Variants in SENP6 observed in about 807,000 individuals in gnomAD.
SENP6 encodes the protein sentrin-specific protease 6.
Under a neutral mutation model 134.5 loss-of-function variants are expected in SENP6, and 41 were observed. That is an observed-to-expected ratio of 0.30 (90% CI 0.24 to 0.40). The LOEUF (loss-of-function observed/expected upper bound fraction) is 0.40, where lower values mean the gene tolerates loss of function less well. Ranked by LOEUF, SENP6 falls within the 10% of genes least tolerant of loss-of-function variation. The pLI, the probability that SENP6 is intolerant of heterozygous loss-of-function variation, is 1.00. For missense variants in SENP6, 1,248 were observed against 1,312.5 expected (o/e 0.95, Z 0.76); for synonymous variants, 395 against 429.8 (o/e 0.92, Z 1.00).
At chr6:75,709,716 TC>T in intron 20 of SENP6, 86 bp downstream of exon 20, 1 of 866,178 alleles carries the variant, frequency 1.2e-6, no homozygotes, top group Non-Finnish European at 1.8e-6. Flanking sequence ...ACACCTGTAG[TC>T]CCAGTGACTT....
At chr6:75,710,060 T>G (rs575939657) in intron 20 of SENP6, among the ~76,000 whole-genome samples, 2 of 152,288 alleles carry the variant, frequency 1.3e-5, no homozygotes, top group African/African-American at 4.8e-5. Context: ...CCTTCCTCTT[T>G]CAAAGCATTT....
At chr6:75,685,023 G>C (rs1474932574) in intron 16 of SENP6, among the ~76,000 whole-genome samples, 2 of 152,098 alleles carry the variant, frequency 1.3e-5, no homozygotes, top group African/African-American at 2.4e-5. Flanking sequence ...GAATCCATCT[G>C]GTCCTGGACT....
intron 1 of SENP6, among the ~76,000 whole-genome samples, chr6:75,619,849 G>T (rs1459052450): frequency 6.6e-6 from 1 of 152,100 alleles, no homozygotes; most frequent in Admixed American, 6.5e-5. Flanking sequence ...CCAGCACTTT[G>T]AGTGGCTGAG....
intron 7 of SENP6, among the ~76,000 whole-genome samples, chr6:75,652,918 T>C (rs1206292146): frequency 6.6e-6 from 1 of 152,202 alleles, no homozygotes; most frequent in Non-Finnish European, 1.5e-5. Context: ...ATTTTATTTA[T>C]GTCTGCCCAT....
At chr6:75,698,048 T>C (rs983062136) in intron 18 of SENP6, 2 of 152,304 alleles carry the variant, frequency 1.3e-5, no homozygotes, top group Middle Eastern at 3.2e-3. Context: ...CAATGGAGAC[T>C]TAAAAGTTTT....
At chr6:75,613,819 C>T (rs998803489) in intron 1 of SENP6, among the ~76,000 whole-genome samples, 7 of 152,072 alleles carry the variant, frequency 4.6e-5, no homozygotes, top group Non-Finnish European at 8.8e-5. Context: ...AACATTGATA[C>T]AATACTATAA....
chr6:75,609,578 C>G (rs923157552), intron 1 of SENP6, among the ~76,000 whole-genome samples: 2 of 152,084 alleles, frequency 1.3e-5, no homozygotes, highest in African/African-American at 4.8e-5. Flanking sequence ...TATTTTTTCC[C>G]CATTCTTTCA....
Position 75,716,723 on chromosome 6 carries a change from G to C in SENP6, c.*1129G>C, listed in dbSNP as rs1457912602. 1.3e-5 allele frequency: 2 copies of C among 151,886 alleles called. No individual in the cohort carries two copies. Among genetic ancestry groups the C allele is most frequent in the African/African-American group, 4.8e-5 (2 of 41,390 alleles). 9.4% of individuals were successfully genotyped at this position (151,886 alleles called of 1,614,324 possible). Reference sequence around the variant, plus strand: ...ACTTCATTATTTTTCAAATGAAATGGTGTATACTTCTTTCAAATGAACTTT... The same window carrying C: ...ACTTCATTATTTTTCAAATGAAATGCTGTATACTTCTTTCAAATGAACTTT... On this transcript the variant is annotated 3_prime_UTR_variant, in exon 24 of 24. Transcript: ENST00000447266.
At chr6:75,654,473 A>C (rs2149856250) in intron 7 of SENP6, among the ~76,000 whole-genome samples, 1 of 152,358 alleles carries the variant, frequency 6.6e-6, no homozygotes, top group Non-Finnish European at 1.5e-5. Context: ...GAGTTTTTAC[A>C]AAATCCTGTA....
chr6:75,608,732 A>T (rs1767221126), intron 1 of SENP6, among the ~76,000 whole-genome samples: 1 of 152,218 alleles, frequency 6.6e-6, no homozygotes, highest in Non-Finnish European at 1.5e-5. Context: ...ATTGTCGTTA[A>T]AAATAATAAT....
chr6:75,674,170 T>C (rs34882981), intron 11 of SENP6, among the ~76,000 whole-genome samples: 1 of 109,572 alleles, frequency 9.1e-6, no homozygotes, highest in African/African-American at 3.3e-5. Flanking sequence ...TTTTTTTTTT[T>C]AAAAACGATA....
chr6:75,620,043 T>G (rs1248244961), intron 1 of SENP6, among the ~76,000 whole-genome samples: 1 of 142,456 alleles, frequency 7.0e-6, no homozygotes, highest in Non-Finnish European at 1.5e-5. Flanking sequence ...CAGTGAGCCA[T>G]GATGGCACCA....
At chr6:75,711,466 C>A in intron 21 of SENP6, 50 bp downstream of exon 21, 1 of 1,200,372 alleles carries the variant, frequency 8.3e-7, no homozygotes, top group South Asian at 1.5e-5. Context: ...TAAGTATGCT[C>A]ATAAAACATA....
intron 3 of SENP6, among the ~76,000 whole-genome samples, chr6:75,629,520 G>A (rs1582707955): frequency 1.3e-5 from 2 of 152,070 alleles, no homozygotes; most frequent in South Asian, 2.1e-4. Flanking sequence ...GGCTGGTCTC[G>A]AACTCCAGAC....
chr6:75,653,397 T>C (rs1771068734), intron 7 of SENP6, among the ~76,000 whole-genome samples: 1 of 152,230 alleles, frequency 6.6e-6, no homozygotes, highest in Non-Finnish European at 1.5e-5. Context: ...TGGGTTTCCT[T>C]AGTATTGTAT....
At chr6:75,621,090 A>T (rs1358887749) in intron 1 of SENP6, among the ~76,000 whole-genome samples, 1 of 152,168 alleles carries the variant, frequency 6.6e-6, no homozygotes, top group Admixed American at 6.5e-5. Context: ...AAAACCGAAA[A>T]CGTTGTTTGT....
In SENP6 at chr6:75,692,367, C is replaced by G. The variant is rs556637472; in HGVS notation, c.2076-3437C>G. On this transcript the variant is annotated intron_variant, in intron 16 of 23. Coordinates refer to ENST00000447266, the MANE Select transcript of SENP6 (RefSeq NM_015571.4). ...AGGTGCAGTGACTCACACCTATAAT[C>G]CCAGTACTTTGGGAGGCCGATGCTG... Among the ~76,000 whole-genome samples, 3 of 152,204 alleles carry G rather than the reference C, an allele frequency of 2.0e-5. No individual in the cohort carries two copies. In the East Asian group the frequency reaches 5.8e-4, roughly 30 times the overall value.
At chr6:75,680,674 C>G (rs1773401990) in intron 16 of SENP6, among the ~76,000 whole-genome samples, 1 of 151,942 alleles carries the variant, frequency 6.6e-6, no homozygotes, top group African/African-American at 2.4e-5. Context: ...CACAATGACC[C>G]CAAGGTAATT....
intron 18 of SENP6, among the ~76,000 whole-genome samples, chr6:75,699,181 A>G (rs1774854520): frequency 6.6e-6 from 1 of 152,098 alleles, no homozygotes; most frequent in African/African-American, 2.4e-5. Flanking sequence ...TTGATTATAC[A>G]CGATTTAGGA....
Sources: allele counts gnomAD v4.1 joint callset (sites outside exome capture counted in the v4.1 genomes callset), GRCh38; gene constraint gnomAD v4.1.1; transcripts MANE v1.5; gene names NCBI Gene and HGNC (gene_info 2026-07-23, HGNC 2026-07-21).